Variants in MYH3 observed in about 807,000 individuals in gnomAD.
MYH3 encodes the protein myosin-3.
Under a neutral mutation model 238.0 loss-of-function variants are expected in MYH3, and 130 were observed. The observed-to-expected ratio is 0.55, with a 90% confidence interval of 0.47 to 0.63. The LOEUF (loss-of-function observed/expected upper bound fraction) is 0.63. MYH3 is among the 30% of genes least tolerant of loss of function. The pLI is 0.00. For missense variants in MYH3, 1,853 were observed against 2,374.9 expected (o/e 0.78, Z 4.57); for synonymous variants, 880 against 924.1 (o/e 0.95, Z 0.86).
chr17:10,653,327 G>A (rs2074396865), intron 3 of MYH3, among the ~76,000 whole-genome samples: 1 of 152,136 alleles, frequency 6.6e-6, no homozygotes, highest in African/African-American at 2.4e-5. Flanking sequence ...CGAAGAGAAT[G>A]AGGAAGGGGC....
chr17:10,656,555 A>AAAAAAAAAAAAAAAT (rs2074433342), intron 1 of MYH3, among the ~76,000 whole-genome samples: 1 of 150,636 alleles, frequency 6.6e-6, no homozygotes, highest in African/African-American at 2.5e-5. Flanking sequence ...AAAAAAAAAA[A>AAAAAAAAAAAAAAAT]AAAAAAGACT....
At chr17:10,649,541 G>A in intron 7 of MYH3, 36 bp downstream of exon 7, 6 of 1,539,008 alleles carry the variant, frequency 3.9e-6, no homozygotes, top group Non-Finnish European at 5.4e-6. Context: ...ACAGTTAAAA[G>A]TGGAAGCAAA....
chr17:10,631,694 G>A lies in MYH3; in HGVS notation c.5203C>T (p.Leu1735Phe). 1 of 1,614,162 alleles carries A rather than the reference G, an allele frequency of 6.2e-7. No individual in the cohort carries two copies. The highest frequency in any genetic ancestry group is 1.1e-5 in the South Asian group (1 of 91,084). Residue 1735 changes from leucine to phenylalanine, a missense_variant, in exon 36 of 41, where the codon CTC (leucine) becomes TTC (phenylalanine). Physicochemically the swap from Leu to Phe is conservative, Grantham distance 22. Coordinates refer to ENST00000583535, the MANE Select transcript of MYH3 (RefSeq NM_002470.4). Reference protein sequence around the residue: ...IHTKKKLETDLMQLQSEVEDA... With the variant: ...IHTKKKLETDFMQLQSEVEDA... ...TCTACCTCACTCTGGAGCTGCATGA[G>A]GTCTGTCTCCAGCTTCTTCTTGGTG...
chr17:10,643,980 T>C (rs1046083818), intron 14 of MYH3, among the ~76,000 whole-genome samples: 2 of 151,714 alleles, frequency 1.3e-5, no homozygotes, highest in African/African-American at 4.8e-5. Flanking sequence ...GCCAACATGG[T>C]GAAACCCCAT....
Position 10,640,208 on chromosome 17 carries a change from T to A in MYH3, c.2470A>T (p.Asn824Tyr). ...CIQYNIRSFM[N>Y]VKHWPWMKLF... ...TTCATCCAGGGCCAGTGCTTGACGT[T>A]CATGAATGAGCGAATGTTGTACTGG... The change falls in exon 22 of 41, where the codon AAC becomes TAC. Residue 824 changes from asparagine to tyrosine, a missense_variant. Asn to Tyr is a moderately radical substitution (Grantham distance 143, BLOSUM62 -2). Around this residue, in one of 3 missense-constraint regions of MYH3, gnomAD observed 678 missense variants for 1,058.9 expected, o/e 0.64. Transcript: ENST00000583535. 1 of 1,614,214 alleles carries A rather than the reference T, an allele frequency of 6.2e-7. No individual in the cohort carries two copies. The highest frequency in any genetic ancestry group is 8.5e-7 in the Non-Finnish European group (1 of 1,180,042).
At position 10,633,955 on chromosome 17, in the gene MYH3, A is replaced by G. The variant is rs2074188958; in HGVS notation, c.4522+62T>C. 1.9e-6 allele frequency: 3 copies of G among 1,583,386 alleles called. 1 individual carries two copies. The East Asian group carries it at 6.7e-5, about 35-fold the overall frequency. The stretch of plus-strand genomic sequence containing the variant: ...TGAGTGATGAAGCCACACCCACGCC[A>G]GCATGCTCTCGAGCAATAGAGCATG... On this transcript the variant is annotated intron_variant, in intron 32 of 40. Transcript: ENST00000583535.
At chr17:10,651,701 G>A (rs777401240) in intron 4 of MYH3, 33 bp from the exon 5 acceptor site, 13 of 1,602,672 alleles carry the variant, frequency 8.1e-6, no homozygotes, top group South Asian at 2.2e-5. Flanking sequence ...GTGCGTATAT[G>A]TATGTATGTG....
At chr17:10,674,521 G>A in the MYH3 span, 1 of 226,770 alleles carries the variant, frequency 4.4e-6, no homozygotes, top group South Asian at 4.9e-5. Flanking sequence ...TACCCCAGTG[G>A]TGTGACACTG....
the MYH3 span, among the ~76,000 whole-genome samples, chr17:10,668,206 C>T: frequency 3.3e-5 from 5 of 152,178 alleles, no homozygotes; most frequent in Non-Finnish European, 7.3e-5. Flanking sequence ...ACCAGCCTGA[C>T]AAATATGGCG....
intron 40 of MYH3, 43 bp downstream of exon 40, chr17:10,629,554 C>A (rs2074130659): frequency 5.0e-6 from 8 of 1,611,022 alleles, no homozygotes; most frequent in Non-Finnish European, 6.8e-6. Flanking sequence ...TAAGAAGTTT[C>A]TACAGTCCCT....
At chr17:10,634,711 T>C (rs1241164147) in intron 31 of MYH3, 129 bp downstream of exon 31, 14 of 1,132,550 alleles carry the variant, frequency 1.2e-5, no homozygotes, top group Non-Finnish European at 1.6e-5. Context: ...CCGGTGAAGT[T>C]CAGGGACTTG....
rs922078469 is a variant in MYH3 at position 10,654,067 on chromosome 17, C to T, written c.204+794G>A. Among the ~76,000 whole-genome samples the T allele has an allele frequency of 6.6e-5, 10 of 152,162 alleles. No individual in the cohort carries two copies. The South Asian group carries it at 1.2e-3, about 19-fold the overall frequency. On this transcript the variant is annotated intron_variant, in intron 3 of 40. Transcript: ENST00000583535. This position sits in a 1 kb window ranked among gnomAD's most constrained non-coding sequence, Gnocchi z 4.5. ...CCACCTCCCGGGTTCACGTGCAGGG[C>T]GGTTTTTAATGCCTTTTTTCCTTCA...
Position 10,642,062 on chromosome 17 carries a change from T to C in MYH3, c.1959+178A>G, listed in dbSNP as rs142122199. Among the ~76,000 whole-genome samples the C allele has an allele frequency of 6.6e-6, 1 of 152,278 alleles. No homozygotes were observed. Among genetic ancestry groups the C allele is most frequent in the East Asian group, 1.9e-4 (1 of 5,164 alleles). On this transcript the variant is annotated intron_variant, in intron 17 of 40. Coordinates refer to ENST00000583535, the MANE Select transcript of MYH3 (RefSeq NM_002470.4). The surrounding 1 kb of genome is among the most constrained non-coding windows in gnomAD (Gnocchi z 5.4). Reference sequence around the variant, plus strand: ...GTATAAGATAATAGTGATACTCTCATCGCACATTGGTTAGACCGTATTTAT... The same window carrying C: ...GTATAAGATAATAGTGATACTCTCACCGCACATTGGTTAGACCGTATTTAT...
In MYH3 at chr17:10,639,672, G is replaced by A. The variant is rs148835368; in HGVS notation, c.2813C>T (p.Thr938Met). The change falls in exon 23 of 41, where the codon ACG (threonine) becomes ATG (methionine). Residue 938 changes from threonine to methionine, a missense_variant. Physicochemically the swap from Thr to Met is moderately conservative, Grantham distance 81 (BLOSUM62 -1). Coordinates refer to ENST00000583535, the MANE Select transcript of MYH3 (RefSeq NM_002470.4). ...EDEEEINAEL[T>M]AKKRKLEDEC... ...ATCCTCCAGTTTCCTCTTCTTGGCC[G>A]TCAGCTCAGCATTGATCTCCTCCTC... is the stretch of plus-strand genomic sequence containing the variant. 71 of 1,613,692 alleles carry A rather than the reference G, an allele frequency of 4.4e-5. No homozygotes were observed. Among genetic ancestry groups the A allele is most frequent in the Admixed American group, 8.3e-5 (5 of 59,946 alleles).
At chr17:10,663,022 G>T in the MYH3 span, among the ~76,000 whole-genome samples, 1 of 152,104 alleles carries the variant, frequency 6.6e-6, no homozygotes, top group African/African-American at 2.4e-5. Flanking sequence ...GGGAGGCAGA[G>T]GTTGCAGTGA....
At chr17:10,635,995 G>A (rs1363105768) in intron 28 of MYH3, 142 bp from the exon 29 acceptor site, 2 of 774,196 alleles carry the variant, frequency 2.6e-6, no homozygotes, top group Non-Finnish European at 4.4e-6. Flanking sequence ...GAAGGTATAT[G>A]GTTCATGAAA....
At chr17:10,666,425 A>C in the MYH3 span, among the ~76,000 whole-genome samples, 223 of 150,100 alleles carry the variant, frequency 1.5e-3, 5 homozygotes, top group African/African-American at 4.9e-3. Flanking sequence ...ACAAAAAAAA[A>C]CCAGCAGGCA....
At chr17:10,677,643 A>G in the MYH3 span, 2 of 152,232 alleles carry the variant, frequency 1.3e-5, no homozygotes, top group East Asian at 1.9e-4. Context: ...TACACTTAAG[A>G]TATCAGCTGC....
At chr17:10,653,972 T>G (rs2074403041) in intron 3 of MYH3, among the ~76,000 whole-genome samples, 1 of 152,140 alleles carries the variant, frequency 6.6e-6, no homozygotes, top group South Asian at 2.1e-4. Flanking sequence ...TCTTATTTTT[T>G]GGGGGGACCG....
Sources: gnomAD v4.1 joint callset for allele counts (sites outside exome capture counted in the v4.1 genomes callset) on GRCh38, gnomAD v4.1.1 for gene constraint, gnomAD v4.1.1 regional missense constraint, Gnocchi (gnomAD v3.1) non-coding constraint, MANE v1.5 for transcripts, NCBI Gene and HGNC (gene_info 2026-07-23, HGNC 2026-07-21) for gene names.